CXCL13: variants seen among roughly 807,000 people sequenced by gnomAD.
CXCL13 encodes the protein C-X-C motif chemokine 13.
CXCL13 carries 7 observed loss-of-function variants against 12.2 expected under a neutral mutation model. The observed-to-expected ratio is 0.57, with a 90% confidence interval of 0.33 to 1.07. The LOEUF (loss-of-function observed/expected upper bound fraction) is 1.07, where lower values mean the gene tolerates loss of function less well. Among genes scored for constraint, CXCL13 ranks in the 50% least tolerant of loss-of-function variants. CXCL13 has a pLI of 0.04. For synonymous variants in CXCL13, 47 were observed against 42.4 expected (o/e 1.11, Z -0.42); for missense variants, 113 against 127.4 (o/e 0.89, Z 0.55).
intron 1 of CXCL13, among the ~76,000 whole-genome samples, chr4:77,582,810 T>C (rs941905625): frequency 6.6e-6 from 1 of 152,202 alleles, no homozygotes; most frequent in African/African-American, 2.4e-5. Flanking sequence ...AGTAAGTTAT[T>C]GACAGAGGGT....
intron 1 of CXCL13, among the ~76,000 whole-genome samples, chr4:77,518,200 C>T (rs566576909): frequency 3.3e-5 from 5 of 152,242 alleles, no homozygotes; most frequent in South Asian, 2.1e-4. Flanking sequence ...GTGGGTAACC[C>T]GACCTTTCTC....
chr4:77,513,509 T>C (rs1271131461), intron 1 of CXCL13, among the ~76,000 whole-genome samples: 2 of 151,936 alleles, frequency 1.3e-5, no homozygotes, highest in Non-Finnish European at 2.9e-5. Context: ...TGGAGTGCAG[T>C]GGCACAATCT....
At chr4:77,516,988 G>C (rs1724437982) in intron 1 of CXCL13, among the ~76,000 whole-genome samples, 2 of 152,106 alleles carry the variant, frequency 1.3e-5, no homozygotes, top group Non-Finnish European at 2.9e-5. Flanking sequence ...ATGTGTCCCA[G>C]AGATTCTGGT....
intron 1 of CXCL13, among the ~76,000 whole-genome samples, chr4:77,568,238 T>C (rs890463866): frequency 4.6e-5 from 7 of 152,220 alleles, no homozygotes; most frequent in African/African-American, 1.7e-4. Context: ...TCTTCTATTT[T>C]GGCTCCTCTG....
chr4:77,516,868 C>T (rs1724434567), intron 1 of CXCL13, among the ~76,000 whole-genome samples: 1 of 152,090 alleles, frequency 6.6e-6, no homozygotes, highest in Non-Finnish European at 1.5e-5. Context: ...TGTGTTTGCA[C>T]TTGCTTTTCT....
At chr4:77,541,033 G>C (rs1307495528) in intron 1 of CXCL13, among the ~76,000 whole-genome samples, 1 of 152,088 alleles carries the variant, frequency 6.6e-6, no homozygotes, top group Admixed American at 6.6e-5. Context: ...TCATACGTTT[G>C]TTGGCTGCTT....
At chr4:77,551,468 A>G (rs577432894) in intron 1 of CXCL13, among the ~76,000 whole-genome samples, 41 of 152,288 alleles carry the variant, frequency 2.7e-4, no homozygotes, top group African/African-American at 9.1e-4. Context: ...CCTGGCTTGT[A>G]AGGTTTCTGC....
intron 1 of CXCL13, among the ~76,000 whole-genome samples, chr4:77,533,061 T>G (rs1332096446): frequency 6.6e-6 from 1 of 152,250 alleles, no homozygotes; most frequent in Non-Finnish European, 1.5e-5. Context: ...CCATCCAGCT[T>G]TGCTCCATTT....
chr4:77,517,067 C>T (rs1724440712), intron 1 of CXCL13, among the ~76,000 whole-genome samples: 1 of 152,020 alleles, frequency 6.6e-6, no homozygotes, highest in Admixed American at 6.6e-5. Flanking sequence ...GTTATGTACC[C>T]AGTAGTCATT....
chr4:77,611,055 T>C lies in CXCL13; in HGVS notation c.*16T>C. 4.4e-6 allele frequency: 7 copies of C among 1,596,042 alleles called. No homozygotes were observed. The highest frequency in any genetic ancestry group is 5.1e-6 in the Non-Finnish European group (6 of 1,167,008). ...GATTCCCTGATGCTGATATTTCCAC[T>C]AAGAACACCTGCATTCTTCCCTTAT... On this transcript the variant is annotated 3_prime_UTR_variant, in exon 4 of 4. Transcript: ENST00000682537.
At chr4:77,525,509 T>C (rs983286056) in intron 1 of CXCL13, among the ~76,000 whole-genome samples, 5 of 152,176 alleles carry the variant, frequency 3.3e-5, no homozygotes, top group African/African-American at 1.2e-4. Flanking sequence ...GTGGAAGTGT[T>C]GTTAGTATTT....
chr4:77,594,408 C>A (rs989451275), intron 1 of CXCL13, among the ~76,000 whole-genome samples: 2 of 152,138 alleles, frequency 1.3e-5, no homozygotes, highest in African/African-American at 4.8e-5. Flanking sequence ...CAAACAGGGA[C>A]AACAATTAAA....
At chr4:77,528,851 C>T (rs1724836433) in intron 1 of CXCL13, among the ~76,000 whole-genome samples, 1 of 152,142 alleles carries the variant, frequency 6.6e-6, no homozygotes. Flanking sequence ...GAAGTCCTTG[C>T]CCATGCCTAT....
intron 1 of CXCL13, among the ~76,000 whole-genome samples, chr4:77,522,800 A>G (rs1251807701): frequency 2.6e-5 from 4 of 151,938 alleles, no homozygotes; most frequent in African/African-American, 9.7e-5. Flanking sequence ...ATTTCTTCAT[A>G]GCATCGATGG....
At chr4:77,533,482 G>A (rs1031985794) in intron 1 of CXCL13, among the ~76,000 whole-genome samples, 1 of 152,210 alleles carries the variant, frequency 6.6e-6, no homozygotes, top group African/African-American at 2.4e-5. Context: ...TCAGGGGTCA[G>A]GGACCCACTT....
chr4:77,538,031 A>G (rs976508040), intron 1 of CXCL13, among the ~76,000 whole-genome samples: 2 of 152,326 alleles, frequency 1.3e-5, no homozygotes, highest in African/African-American at 4.8e-5. Flanking sequence ...GAGAACACAG[A>G]CAACAGAGAG....
Position 77,611,572 on chromosome 4 carries a change from G to T in CXCL13, c.*533G>T, listed in dbSNP as rs1009824231. The stretch of plus-strand genomic sequence containing the variant: ...AGGAGAATTAAGTCCTACTTTTAAA[G>T]AATTTCTTTATAAAATTTACTGTCT... On this transcript the variant is annotated 3_prime_UTR_variant, in exon 4 of 4. Coordinates refer to ENST00000682537, the MANE Select transcript of CXCL13 (RefSeq NM_001371558.1). 2.5e-6 allele frequency: 1 copy of T among 397,632 alleles called. No individual in the cohort carries two copies. Among genetic ancestry groups the T allele is most frequent in the Admixed American group, 4.4e-5 (1 of 22,702 alleles). 24.6% of individuals were successfully genotyped at this position (397,632 alleles called of 1,614,324 possible). A position where few individuals can be genotyped will look rare whatever the true frequency, so the allele number is the denominator to read the frequency against.
intron 1 of CXCL13, among the ~76,000 whole-genome samples, chr4:77,572,269 C>A (rs1039221889): frequency 1.3e-5 from 2 of 151,764 alleles, no homozygotes; most frequent in Non-Finnish European, 2.9e-5. Context: ...GGAGTGGTGG[C>A]ACATGCCTGT....
At chr4:77,520,738 A>T (rs925275656) in intron 1 of CXCL13, among the ~76,000 whole-genome samples, 4 of 152,190 alleles carry the variant, frequency 2.6e-5, no homozygotes, top group African/African-American at 4.8e-5. Context: ...CCTGGCCAGA[A>T]CTTCCAACAT....
Sources: gnomAD v4.1 joint callset for allele counts (sites outside exome capture counted in the v4.1 genomes callset) on GRCh38, gnomAD v4.1.1 for gene constraint, MANE v1.5 for transcripts, NCBI Gene and HGNC (gene_info 2026-07-23, HGNC 2026-07-21) for gene names.